The following MLLT10 variants were observed in gnomAD, a reference collection of about 807,000 sequenced individuals.
MLLT10 encodes the protein protein AF-10.
Under a neutral mutation model 129.1 loss-of-function variants are expected in MLLT10, and 30 were observed. The observed-to-expected ratio is 0.23, with a 90% CI of 0.17 to 0.32. The LOEUF is 0.32. MLLT10 is among the 10% of genes least tolerant of loss of function. The probability of loss-of-function intolerance (pLI) is 1.00; values close to 1 mark genes in which losing one functional copy is unlikely to be tolerated. For synonymous variants in MLLT10, 490 were observed against 446.4 expected (o/e 1.10, Z -1.23); for missense variants, 1,119 against 1,268.3 (o/e 0.88, Z 1.79).
At chr10:21,569,580 C>T (rs1417176134) in intron 3 of MLLT10, among the ~76,000 whole-genome samples, 1 of 151,564 alleles carries the variant, frequency 6.6e-6, no homozygotes, top group African/African-American at 2.4e-5. Flanking sequence ...GCCATCATGC[C>T]CGGCTAATTT....
chr10:21,686,908 A>C (rs1167219788), intron 13 of MLLT10, among the ~76,000 whole-genome samples: 1 of 152,108 alleles, frequency 6.6e-6, no homozygotes, highest in African/African-American at 2.4e-5. Flanking sequence ...GCTTGAACCC[A>C]GGAGGCGAAG....
chr10:21,616,202 G>A (rs1251274578), intron 7 of MLLT10, among the ~76,000 whole-genome samples: 1 of 151,902 alleles, frequency 6.6e-6, no homozygotes, highest in African/African-American at 2.4e-5. Context: ...CTTCCTAGGT[G>A]TAATAAGCAT....
intron 4 of MLLT10, among the ~76,000 whole-genome samples, chr10:21,589,117 A>G (rs976570727): frequency 3.9e-5 from 6 of 152,188 alleles, no homozygotes; most frequent in African/African-American, 1.4e-4. Flanking sequence ...TGGAGTGTTC[A>G]TAAGGAGCCC....
chr10:21,568,885 C>T (rs541055572), intron 3 of MLLT10, among the ~76,000 whole-genome samples: 65 of 152,268 alleles, frequency 4.3e-4, no homozygotes, highest in Admixed American at 6.5e-4. Flanking sequence ...ACACCTGCCT[C>T]GACCTCCCAA....
chr10:21,729,021 C>A (rs1265460801), intron 16 of MLLT10, among the ~76,000 whole-genome samples: 1 of 151,930 alleles, frequency 6.6e-6, no homozygotes, highest in Non-Finnish European at 1.5e-5. Flanking sequence ...TCTAATGGTA[C>A]ATCTAGTGAT....
intron 8 of MLLT10, among the ~76,000 whole-genome samples, chr10:21,620,833 G>A (rs1464222844): frequency 6.6e-6 from 1 of 151,960 alleles, no homozygotes; most frequent in African/African-American, 2.4e-5. Flanking sequence ...TGGGATTACA[G>A]GCACCTGCCA....
chr10:21,563,016 T>C (rs1051244499), intron 3 of MLLT10, among the ~76,000 whole-genome samples: 3 of 151,752 alleles, frequency 2.0e-5, no homozygotes, highest in African/African-American at 7.3e-5. Flanking sequence ...ACAGGGTTTC[T>C]CCATGTTGGT....
At chr10:21,604,848 T>C (rs1454052681) in intron 5 of MLLT10, among the ~76,000 whole-genome samples, 2 of 152,056 alleles carry the variant, frequency 1.3e-5, no homozygotes, top group Non-Finnish European at 2.9e-5. Context: ...TGGTCCTGGA[T>C]TGGCAGCCTG....
chr10:21,534,314 T>TC lies in MLLT10; in HGVS notation c.-201dup, dbSNP rs1468963386. 5.8e-5 allele frequency: 18 copies of TC among 312,766 alleles called. 2 individuals carry two copies. Among genetic ancestry groups the TC allele is most frequent in the Middle Eastern group, 9.7e-4 (1 of 1,036 alleles). 19.4% of individuals were successfully genotyped at this position (312,766 alleles called of 1,614,324 possible). A position where few individuals can be genotyped will look rare whatever the true frequency, so the allele number is the denominator to read the frequency against. On this transcript the variant is annotated 5_prime_UTR_variant, in exon 1 of 23. Transcript: ENST00000307729. ...CCCCTGGCCCAGCGGGAGCCCCCCC[T>TC]CCCCCCAGTGCGCCTGTGCGGAGGC...
At chr10:21,725,680 C>T (rs2057440271) in intron 14 of MLLT10, among the ~76,000 whole-genome samples, 1 of 135,050 alleles carries the variant, frequency 7.4e-6, no homozygotes, top group South Asian at 2.4e-4. Context: ...GAGAACGCGC[C>T]ATTGCACTCC....
intron 5 of MLLT10, among the ~76,000 whole-genome samples, chr10:21,605,743 A>G (rs2043996872): frequency 6.6e-6 from 1 of 152,064 alleles, no homozygotes; most frequent in Non-Finnish European, 1.5e-5. Flanking sequence ...GGCCTTTATG[A>G]TTTTTAAAAC....
chr10:21,737,189 G>A (rs2058442234), intron 21 of MLLT10, among the ~76,000 whole-genome samples: 1 of 26,908 alleles, frequency 3.7e-5, no homozygotes, highest in Admixed American at 3.3e-4. Context: ...GCACCTGACA[G>A]GGACTGTTTC....
intron 5 of MLLT10, among the ~76,000 whole-genome samples, chr10:21,610,427 G>A (rs1431792938): frequency 6.6e-6 from 1 of 152,168 alleles, no homozygotes; most frequent in Non-Finnish European, 1.5e-5. Context: ...GGGTGGGGAT[G>A]CTGGGAGCAA....
At chr10:21,565,830 T>C (rs1240017088) in intron 3 of MLLT10, among the ~76,000 whole-genome samples, 1 of 151,308 alleles carries the variant, frequency 6.6e-6, no homozygotes, top group Non-Finnish European at 1.5e-5. Flanking sequence ...GGTCTCGAAC[T>C]CCTGGGCTCA....
chr10:21,693,696 A>T (rs527619530), intron 13 of MLLT10, among the ~76,000 whole-genome samples: 1 of 152,206 alleles, frequency 6.6e-6, no homozygotes, highest in Non-Finnish European at 1.5e-5. Flanking sequence ...ATATTTCAAA[A>T]TACAGCATCT....
At chr10:21,634,176 G>A (rs2047250803) in intron 8 of MLLT10, among the ~76,000 whole-genome samples, 1 of 151,636 alleles carries the variant, frequency 6.6e-6, no homozygotes, top group African/African-American at 2.4e-5. Flanking sequence ...GGAGGCAGGG[G>A]TTTCAGGGAG....
chr10:21,719,483 A>T (rs1484371792), intron 14 of MLLT10, among the ~76,000 whole-genome samples: 1 of 152,198 alleles, frequency 6.6e-6, no homozygotes, highest in Non-Finnish European at 1.5e-5. Flanking sequence ...CTCTCTTATT[A>T]CTAATTGTTA....
chr10:21,625,319 T>C, intron 8 of MLLT10: 5 of 785,422 alleles, frequency 6.4e-6, no homozygotes, highest in Non-Finnish European at 1.1e-5. Flanking sequence ...TGCTCGTCTG[T>C]CTTCAGAATG....
chr10:21,708,619 T>C, intron 13 of MLLT10: 1 of 985,360 alleles, frequency 1.0e-6, no homozygotes, highest in Non-Finnish European at 1.2e-6. Flanking sequence ...TTTCAAAGTG[T>C]GATTACTGGA....
Sources: gnomAD v4.1 joint callset for allele counts (sites outside exome capture counted in the v4.1 genomes callset) on GRCh38, gnomAD v4.1.1 for gene constraint, MANE v1.5 for transcripts, NCBI Gene and HGNC (gene_info 2026-07-23, HGNC 2026-07-21) for gene names.